POLQ: variants seen among roughly 807,000 people sequenced by gnomAD.
POLQ encodes the protein epididymis secretory sperm binding protein.
A neutral mutation model predicts 259.2 loss-of-function variants in POLQ; 233 were observed. The ratio of observed to expected loss-of-function variants is 0.90; its 90% CI spans 0.81 to 1.00. POLQ has a LOEUF of 1.00. Ranked by LOEUF, POLQ falls within the 50% of genes least tolerant of loss-of-function variation. The pLI is 0.00. For synonymous variants in POLQ, 1,025 were observed against 1,048.8 expected (o/e 0.98, Z 0.44); for missense variants, 2,871 against 3,051.6 (o/e 0.94, Z 1.39).
At chr3:121,534,747 GTTAAGAGATATTTTTA>G (rs2048438647) in intron 5 of POLQ, among the ~76,000 whole-genome samples, 1 of 152,088 alleles carries the variant, frequency 6.6e-6, no homozygotes, top group Non-Finnish European at 1.5e-5. Context: ...CACAAGTTTT[GTTAAGAGATATTTTTA>G]TTATACTTTC....
chr3:121,439,991 C>T lies in POLQ; in HGVS notation c.7389+1G>A, dbSNP rs1375969800. On this transcript the variant is annotated splice_donor_variant, in intron 27 of 29. Coordinates refer to ENST00000264233, the MANE Select transcript of POLQ (RefSeq NM_199420.4). LOFTEE classifies it high-confidence loss of function. ...AAAATTCCTAAAAAATTTCAACATA[C>T]GTGAGCTTTACGATAAGGGTTGTTG... 9.3e-6 allele frequency: 15 copies of T among 1,612,708 alleles called. No homozygotes were observed. Among genetic ancestry groups the T allele is most frequent in the East Asian group, 4.5e-5 (2 of 44,852 alleles).
At position 121,468,368 on chromosome 3, in the gene POLQ, G is replaced by A; in HGVS notation, c.6782C>T (p.Pro2261Leu). ...AGGTGGGCTTTCTCCTACTAGTGTT[G>A]GCATTTTGATTTCAAAATCTCTTGG... ...NVPRDFEIKMPTLVGESPPSQ... is the reference protein window; with the variant it reads ...NVPRDFEIKMLTLVGESPPSQ... Residue 2261 changes from proline (P) to leucine (L), a missense_variant, in exon 23 of 30, where the codon CCA (proline) becomes CTA (leucine). Physicochemically the swap from Pro to Leu is moderately conservative, Grantham distance 98. Transcript: ENST00000264233. 2 of 1,611,098 alleles carry A rather than the reference G, an allele frequency of 1.2e-6. No homozygotes were observed. The highest frequency in any genetic ancestry group is 1.7e-6 in the Non-Finnish European group (2 of 1,177,484).
intron 20 of POLQ, among the ~76,000 whole-genome samples, chr3:121,475,036 TTA>T (rs2047915024): frequency 6.6e-6 from 1 of 151,256 alleles, no homozygotes; most frequent in South Asian, 2.1e-4. Context: ...AAATTTACTC[TTA>T]GTTACTTTGA....
chr3:121,537,119 T>C lies in POLQ; in HGVS notation c.721A>G (p.Thr241Ala). 1 of 1,554,262 alleles carries C rather than the reference T, an allele frequency of 6.4e-7. No individual in the cohort carries two copies. Among genetic ancestry groups the C allele is most frequent in the Non-Finnish European group, 8.9e-7 (1 of 1,125,666 alleles). ...ACTTACCAAGATGCTGATTTCCGAG[T>C]AATATAGCAAATCTTGGTCAGCAAA... Reference protein sequence around the residue: ...ELLLTKICYITRKSASCQADL... With the variant: ...ELLLTKICYIARKSASCQADL... Residue 241 changes from threonine (T) to alanine (A), a missense_variant, in exon 5 of 30, where the codon ACT (threonine) becomes GCT (alanine). Thr to Ala is a moderately conservative substitution (Grantham distance 58). Transcript: ENST00000264233.
Position 121,449,352 on chromosome 3 carries a change from A to C in POLQ, c.7227T>G (p.Ala2409=), listed in dbSNP as rs2047654823. The change falls in exon 26 of 30, where the codon GCT becomes GCG. Residue 2409 remains alanine (A), a synonymous_variant. Coordinates refer to ENST00000264233, the MANE Select transcript of POLQ (RefSeq NM_199420.4). Reference sequence around the variant, plus strand: ...ATTTGAAGGAGTCAATATAGCATGCAGCATCATTTTCTTTAATGCCCATCT... The same window carrying C: ...ATTTGAAGGAGTCAATATAGCATGCCGCATCATTTTCTTTAATGCCCATCT... ...GEQMGIKEND[A]ACYIDSFKSR... The C allele has an allele frequency of 6.3e-7, 1 of 1,596,418 alleles. No homozygotes were observed. The highest frequency in any genetic ancestry group is 8.6e-7 in the Non-Finnish European group (1 of 1,163,996).
chr3:121,435,573 G>C (rs2047536891), intron 28 of POLQ, among the ~76,000 whole-genome samples: 1 of 152,170 alleles, frequency 6.6e-6, no homozygotes, highest in African/African-American at 2.4e-5. Context: ...CAGCAAAGTG[G>C]CCAACTGTCC....
intron 26 of POLQ, 110 bp from the exon 27 acceptor site, chr3:121,440,226 T>C (rs1576397248): frequency 1.4e-6 from 1 of 726,900 alleles, no homozygotes; most frequent in Admixed American, 2.7e-5. Flanking sequence ...ATTCTTAACA[T>C]TAATATCATA....
intron 16 of POLQ, 41 bp downstream of exon 16, chr3:121,487,261 A>C (rs1389508866): frequency 9.6e-7 from 1 of 1,045,032 alleles, no homozygotes; most frequent in Non-Finnish European, 1.4e-6. Flanking sequence ...TCTACTAAGT[A>C]GTTTATAAAT....
intron 5 of POLQ, among the ~76,000 whole-genome samples, chr3:121,534,820 A>C (rs1194528783): frequency 6.6e-6 from 1 of 152,182 alleles, no homozygotes; most frequent in Non-Finnish European, 1.5e-5. Context: ...TTTTTGATCT[A>C]AAAGTGTGTC....
intron 14 of POLQ, chr3:121,494,916 CTGT>C (rs1229538871): frequency 8.1e-7 from 1 of 1,231,152 alleles, no homozygotes; most frequent in African/African-American, 1.5e-5. Flanking sequence ...TAAATGTACA[CTGT>C]TGAGTTTTCT....
chr3:121,498,971 T>C (rs1246835911), intron 12 of POLQ, among the ~76,000 whole-genome samples: 2 of 152,066 alleles, frequency 1.3e-5, no homozygotes, highest in African/African-American at 4.8e-5. Flanking sequence ...ATCCCAATGC[T>C]GTAGGAGGCC....
At chr3:121,473,648 G>A (rs932540058) in intron 20 of POLQ, among the ~76,000 whole-genome samples, 161 bp from the exon 21 acceptor site, 5 of 151,556 alleles carry the variant, frequency 3.3e-5, no homozygotes, top group Non-Finnish European at 2.9e-5. Context: ...ATAAATGATG[G>A]CAATCAAAAT....
intron 25 of POLQ, among the ~76,000 whole-genome samples, chr3:121,454,480 G>C (rs1248379468): frequency 6.6e-6 from 1 of 152,192 alleles, no homozygotes; most frequent in African/African-American, 2.4e-5. Flanking sequence ...GCTGTATTCA[G>C]GAGACCCATC....
chr3:121,532,524 T>C (rs2048418469), intron 6 of POLQ, among the ~76,000 whole-genome samples: 1 of 152,066 alleles, frequency 6.6e-6, no homozygotes, highest in Non-Finnish European at 1.5e-5. Context: ...TGGTGGGGGA[T>C]GGAGTCTTAC....
intron 22 of POLQ, among the ~76,000 whole-genome samples, chr3:121,471,542 G>C (rs1402397851): frequency 6.6e-6 from 1 of 152,092 alleles, no homozygotes; most frequent in Admixed American, 6.5e-5. Flanking sequence ...AGGAGTTCGA[G>C]ACCAGCCTGA....
chr3:121,511,360 T>C (rs976326106), intron 10 of POLQ, among the ~76,000 whole-genome samples: 2 of 151,932 alleles, frequency 1.3e-5, no homozygotes, highest in African/African-American at 4.8e-5. Context: ...ATTGCACCAC[T>C]GCACTCCAGC....
intron 27 of POLQ, among the ~76,000 whole-genome samples, chr3:121,436,558 A>C (rs1238759201): frequency 6.6e-6 from 1 of 152,186 alleles, no homozygotes; most frequent in Non-Finnish European, 1.5e-5. Context: ...ACTACTTTGC[A>C]CTTAGATGTA....
intron 22 of POLQ, among the ~76,000 whole-genome samples, chr3:121,468,743 A>G (rs544685360): frequency 6.6e-6 from 1 of 152,326 alleles, no homozygotes; most frequent in African/African-American, 2.4e-5. Flanking sequence ...TTTCAGCACT[A>G]TAACATGTTA....
chr3:121,522,330 A>G (rs3106733), intron 7 of POLQ, among the ~76,000 whole-genome samples, 181 bp from the exon 8 acceptor site: 2 of 75,132 alleles, frequency 2.7e-5, no homozygotes, highest in Non-Finnish European at 2.3e-5. Context: ...TTTGAGACGG[A>G]GTCTCGCTCT....
Sources: allele counts gnomAD v4.1 joint callset (sites outside exome capture counted in the v4.1 genomes callset), GRCh38; gene constraint gnomAD v4.1.1; transcripts MANE v1.5; gene names NCBI Gene and HGNC (gene_info 2026-07-23, HGNC 2026-07-21).